The following CFTR variants were observed in gnomAD, a reference collection of about 807,000 sequenced individuals.
CFTR encodes the protein cystic fibrosis transmembrane conductance regulator.
CFTR carries 181 observed loss-of-function variants against 171.6 expected under a neutral mutation model. The observed-to-expected ratio is 1.05, with a 90% CI of 0.93 to 1.19. The LOEUF (loss-of-function observed/expected upper bound fraction) is 1.19. CFTR is among the 50% of genes most tolerant of loss of function. The pLI is 0.00. For synonymous variants in CFTR, 583 were observed against 608.0 expected (o/e 0.96, Z 0.60); for missense variants, 1,968 against 1,734.7 (o/e 1.13, Z -2.39).
Position 117,658,573 on chromosome 7 carries a change from C to G in CFTR, c.3963+5642C>G, listed in dbSNP as rs572880299. Among the ~76,000 whole-genome samples, 5 of 152,220 alleles carry G rather than the reference C, an allele frequency of 3.3e-5. No homozygotes were observed. The East Asian group carries it at 9.6e-4, about 29-fold the overall frequency. ...CTGATATCTCAGCACATGAAAAGCA[C>G]CTTATGTCAATAAGTGAGTTCCTTC... is the stretch of plus-strand genomic sequence containing the variant. On this transcript the variant is annotated intron_variant, in intron 24 of 26. Transcript: ENST00000003084.
intron 3 of CFTR, among the ~76,000 whole-genome samples, chr7:117,521,696 G>A (rs1037060793): frequency 1.3e-5 from 2 of 152,138 alleles, no homozygotes; most frequent in African/African-American, 2.4e-5. Context: ...ATAGAAAACA[G>A]TGTAGCCTTA....
At position 117,606,724 on chromosome 7, in the gene CFTR, C is replaced by G. The variant is rs1792306565; in HGVS notation, c.2959C>G (p.Leu987Val). 1 of 1,589,540 alleles carries G rather than the reference C, an allele frequency of 6.3e-7. No homozygotes were observed. Among genetic ancestry groups the G allele is most frequent in the African/African-American group, 1.3e-5 (1 of 74,352 alleles). Residue 987 changes from leucine to valine, a missense_variant, in exon 18 of 27, where the codon CTG becomes GTG. By Grantham distance (32) the Leu-to-Val change is conservative. Transcript: ENST00000003084. ...AGATATAGCAATTTTGGATGACCTT[C>G]TGCCTCTTACCATATTTGACTTCAT... ...SKDIAILDDL[L>V]PLTIFDFIQL...
intron 7 of CFTR, 58 bp from the exon 8 acceptor site, chr7:117,540,042 C>A: frequency 7.0e-7 from 1 of 1,430,996 alleles, no homozygotes; most frequent in Non-Finnish European, 9.7e-7. Context: ...ATTCCAAGAT[C>A]CCTGATATTT....
chr7:117,588,399 G>T (rs896540388), intron 12 of CFTR, among the ~76,000 whole-genome samples: 8 of 152,138 alleles, frequency 5.3e-5, no homozygotes, highest in Non-Finnish European at 8.8e-5. Context: ...CTGTCAAAGA[G>T]ATGTAAATAT....
chr7:117,570,121 A>C (rs1456565649), intron 11 of CFTR, among the ~76,000 whole-genome samples: 1 of 151,728 alleles, frequency 6.6e-6, no homozygotes, highest in Admixed American at 6.6e-5. Flanking sequence ...TTACGGTTCC[A>C]GTATAGTACT....
chr7:117,553,572 A>G (rs1363111323), intron 10 of CFTR, among the ~76,000 whole-genome samples: 3 of 152,216 alleles, frequency 2.0e-5, no homozygotes, highest in African/African-American at 7.2e-5. Context: ...AACAGATGAT[A>G]TTATCTAATT....
chr7:117,625,421 C>A (rs1358760930), intron 21 of CFTR, among the ~76,000 whole-genome samples: 1 of 152,126 alleles, frequency 6.6e-6, no homozygotes, highest in Non-Finnish European at 1.5e-5. Context: ...AAACAGAAAA[C>A]ATTGTATGTT....
rs773521854 is a variant in CFTR at position 117,592,558 on chromosome 7, C to T, written c.2391C>T (p.Ala797=). The T allele has an allele frequency of 1.3e-6, 2 of 1,519,978 alleles. No individual in the cohort carries two copies. Among genetic ancestry groups the T allele is most frequent in the African/African-American group, 1.4e-5 (1 of 71,794 alleles). 94.2% of individuals were successfully genotyped at this position (1,519,978 alleles called of 1,614,324 possible). The change falls in exon 14 of 27, where the codon GCC becomes GCT. Residue 797 remains alanine (A), a synonymous_variant. Transcript: ENST00000003084. ...CATCCACACGAAAAGTGTCACTGGC[C>T]CCTCAGGCAAACTTGACTGAACTGG... ...TTASTRKVSL[A]PQANLTELDI... is the part of the protein sequence containing the mutation.
intron 23 of CFTR, among the ~76,000 whole-genome samples, chr7:117,649,300 G>A (rs1392442730): frequency 2.0e-5 from 3 of 149,356 alleles, no homozygotes; most frequent in Non-Finnish European, 4.5e-5. Context: ...GTGTGTGTGT[G>A]TGTATATGTG....
rs1383455542 is a variant in CFTR at position 117,611,564 on chromosome 7, A to G, written c.3140-17A>G. ...GTTTATGTTATTTGCAATGTTTTCT[A>G]TGGAAATATTTCACAGGCAGGAGTC... is the stretch of plus-strand genomic sequence containing the variant. On this transcript the variant is annotated splice_polypyrimidine_tract_variant and intron_variant, in intron 19 of 26. Transcript: ENST00000003084. 9.8e-6 allele frequency: 14 copies of G among 1,427,544 alleles called. No homozygotes were observed. The highest frequency in any genetic ancestry group is 2.3e-5 in the East Asian group (1 of 43,944). 88.4% of individuals were successfully genotyped at this position (1,427,544 alleles called of 1,614,324 possible).
At position 117,580,330 on chromosome 7, in the gene CFTR, T is replaced by C. The variant is rs1364708213; in HGVS notation, c.1585-7409T>C. On this transcript the variant is annotated intron_variant, in intron 11 of 26. Transcript: ENST00000003084. The stretch of plus-strand genomic sequence containing the variant: ...TCATAGGTATTAAGGAAAATACAAA[T>C]TAAAATGGCAAATTAGCAAAAATTG... Among the ~76,000 whole-genome samples the C allele has an allele frequency of 2.6e-5, 4 of 151,988 alleles. No homozygotes were observed. In the East Asian group the frequency reaches 5.8e-4, roughly 22 times the overall value.
intron 2 of CFTR, among the ~76,000 whole-genome samples, chr7:117,508,035 C>T (rs962314566): frequency 2.0e-5 from 3 of 152,210 alleles, no homozygotes; most frequent in Non-Finnish European, 4.4e-5. Context: ...CTTGGCCTCC[C>T]AAAGTGTTGG....
chr7:117,559,194 C>G (rs1250432225), intron 10 of CFTR, among the ~76,000 whole-genome samples: 1 of 152,180 alleles, frequency 6.6e-6, no homozygotes, highest in African/African-American at 2.4e-5. Context: ...CAAACCTATT[C>G]CAACTATCTG....
intron 24 of CFTR, among the ~76,000 whole-genome samples, chr7:117,656,536 A>G (rs1793186288): frequency 6.6e-6 from 1 of 152,202 alleles, no homozygotes; most frequent in Non-Finnish European, 1.5e-5. Context: ...GTGGTTCATT[A>G]TACTTGAGAG....
At chr7:117,556,358 C>G (rs1257205094) in intron 10 of CFTR, among the ~76,000 whole-genome samples, 2 of 151,894 alleles carry the variant, frequency 1.3e-5, no homozygotes, top group African/African-American at 4.8e-5. Flanking sequence ...CCACTGTGCA[C>G]AGCCATTAAT....
chr7:117,559,689 A>G (rs765392608), intron 11 of CFTR, 34 bp downstream of exon 11: 2 of 1,452,290 alleles, frequency 1.4e-6, no homozygotes, highest in East Asian at 2.3e-5. Flanking sequence ...TTGATTATGC[A>G]TATGAACCCT....
intron 1 of CFTR, among the ~76,000 whole-genome samples, chr7:117,485,480 T>G (rs1352478391): frequency 6.6e-6 from 1 of 152,186 alleles, no homozygotes; most frequent in Non-Finnish European, 1.5e-5. Flanking sequence ...AAAACATTGC[T>G]ATTTCTGTTG....
chr7:117,591,275 T>G (rs1009032644), intron 13 of CFTR, among the ~76,000 whole-genome samples: 1 of 152,110 alleles, frequency 6.6e-6, no homozygotes, highest in African/African-American at 2.4e-5. Flanking sequence ...TACAGTATAA[T>G]CTAGAACAAT....
intron 22 of CFTR, among the ~76,000 whole-genome samples, chr7:117,641,946 T>C (rs1395440385): frequency 6.6e-6 from 1 of 152,326 alleles, no homozygotes; most frequent in Admixed American, 6.5e-5. Context: ...GAACATATCA[T>C]TGTTTATTGC....
Sources: gnomAD v4.1 joint callset for allele counts (sites outside exome capture counted in the v4.1 genomes callset) on GRCh38, gnomAD v4.1.1 for gene constraint, MANE v1.5 for transcripts, NCBI Gene and HGNC (gene_info 2026-07-23, HGNC 2026-07-21) for gene names.